The following STK38L variants were observed in gnomAD, a reference collection of about 807,000 sequenced individuals.
The protein encoded by STK38L is serine/threonine-protein kinase 38-like.
STK38L carries 28 observed loss-of-function variants against 59.7 expected under a neutral mutation model. The ratio of observed to expected loss-of-function variants is 0.47; its 90% CI spans 0.35 to 0.64. The LOEUF is 0.64. Among genes scored for constraint, STK38L ranks in the 30% least tolerant of loss-of-function variants. The probability of loss-of-function intolerance (pLI) is 0.01; values close to 1 mark genes in which losing one functional copy is unlikely to be tolerated. For missense variants in STK38L, 314 were observed against 555.8 expected, an observed-to-expected ratio of 0.56 and a Z score of 4.37; for synonymous variants, 162 against 176.8, an observed-to-expected ratio of 0.92 and a Z score of 0.66.
At chr12:27,287,780 C>G (rs1250700822) in intron 1 of STK38L, among the ~76,000 whole-genome samples, 1 of 152,036 alleles carries the variant, frequency 6.6e-6, no homozygotes, top group Non-Finnish European at 1.5e-5. Flanking sequence ...AAATGGATAC[C>G]CAGTTGTTCC....
Position 27,253,392 on chromosome 12 carries a change from G to A in STK38L, c.-12+9060G>A, listed in dbSNP as rs549318799. ...GACAAATAATCTAGGTGATAATAAT[G>A]AAGTTCTAAACTAGGTGAGATTGGG... On this transcript the variant is annotated intron_variant, in intron 1 of 13. Coordinates refer to ENST00000389032, the MANE Select transcript of STK38L (RefSeq NM_015000.4). Among the ~76,000 whole-genome samples, 204 of 151,984 alleles carry A rather than the reference G, an allele frequency of 1.3e-3. 2 individuals carry two copies. Among genetic ancestry groups the A allele is most frequent in the South Asian group, 2.9e-3 (14 of 4,784 alleles).
chr12:27,291,181 C>G (rs1021035407), intron 1 of STK38L, among the ~76,000 whole-genome samples: 8 of 152,102 alleles, frequency 5.3e-5, no homozygotes, highest in African/African-American at 1.9e-4. Flanking sequence ...AATTAAAAGC[C>G]TTGAGTGATT....
chr12:27,311,590 A>G (rs1262799706), intron 5 of STK38L, among the ~76,000 whole-genome samples: 1 of 152,220 alleles, frequency 6.6e-6, no homozygotes, highest in Non-Finnish European at 1.5e-5. Context: ...TCCAGTTTAT[A>G]AAATTTTCCA....
Position 27,314,590 on chromosome 12 carries a change from G to C in STK38L, c.604G>C (p.Asp202His). Residue 202 changes from aspartate (D) to histidine (H), a missense_variant, in exon 7 of 14, where the codon GAT becomes CAT. Transcript: ENST00000389032. ...FYISETVLAI[D>H]AIHQLGFIHR... The stretch of plus-strand genomic sequence containing the variant: ...CATTTCAGAGACTGTTCTGGCAATA[G>C]ATGCGATCCACCAGTTGGGTTTCAT... The C allele has an allele frequency of 1.2e-6, 2 of 1,610,302 alleles. No individual in the cohort carries two copies. The highest frequency in any genetic ancestry group is 3.4e-5 in the Admixed American group (2 of 59,350).
At chr12:27,289,257 G>A (rs1943844838) in intron 1 of STK38L, among the ~76,000 whole-genome samples, 1 of 151,978 alleles carries the variant, frequency 6.6e-6, no homozygotes. Flanking sequence ...CATTAAGATC[G>A]GTAAATAGAA....
Position 27,280,281 on chromosome 12 carries a change from A to G in STK38L, c.-11-17429A>G, listed in dbSNP as rs143620302. On this transcript the variant is annotated intron_variant, in intron 1 of 13. Coordinates refer to ENST00000389032, the MANE Select transcript of STK38L (RefSeq NM_015000.4). ...CAAAATAAGAACTTTTGATTATGCA[A>G]TGAAAGAGAATCAAAGTCAGTACTG... Among the ~76,000 whole-genome samples the G allele has an allele frequency of 2.4e-3, 373 of 152,322 alleles. 8 individuals carry two copies. The East Asian group carries it at 0.067, about 27-fold the overall frequency.
intron 1 of STK38L, among the ~76,000 whole-genome samples, chr12:27,261,668 A>G (rs1943206811): frequency 6.6e-6 from 1 of 152,202 alleles, no homozygotes. Context: ...TCAAAATTAC[A>G]TAGTGATTAG....
chr12:27,271,076 G>A (rs980399069), intron 1 of STK38L, among the ~76,000 whole-genome samples: 1 of 152,130 alleles, frequency 6.6e-6, no homozygotes, highest in African/African-American at 2.4e-5. Flanking sequence ...ACTGCCCTAA[G>A]TGCATTACAT....
chr12:27,303,407 C>T (rs1242849468), intron 3 of STK38L, among the ~76,000 whole-genome samples: 1 of 152,148 alleles, frequency 6.6e-6, no homozygotes, highest in Admixed American at 6.5e-5. Flanking sequence ...ACTGGGAAAT[C>T]TTCCTTAACC....
chr12:27,247,786 G>C (rs1942886233), intron 1 of STK38L, among the ~76,000 whole-genome samples: 1 of 150,340 alleles, frequency 6.7e-6, no homozygotes, highest in Admixed American at 6.6e-5. Context: ...CTATAGGCCT[G>C]AGCCACTGTG....
At chr12:27,305,929 A>G (rs537210203) in intron 3 of STK38L, among the ~76,000 whole-genome samples, 2 of 152,340 alleles carry the variant, frequency 1.3e-5, no homozygotes, top group South Asian at 2.1e-4. Context: ...TTTCAAGGCT[A>G]CTTAATCTAT....
chr12:27,318,848 G>A (rs7139038), intron 11 of STK38L, among the ~76,000 whole-genome samples: 6,059 of 152,058 alleles, frequency 0.04, 406 homozygotes, highest in East Asian at 0.33. Context: ...AAAATTAGCC[G>A]GGCGAGGTGG....
rs1018260796 is a variant in STK38L, at chr12:27,323,842, CTG to C, written c.*1388_*1389del. On this transcript the variant is annotated 3_prime_UTR_variant, in exon 14 of 14. Coordinates refer to ENST00000389032, the MANE Select transcript of STK38L (RefSeq NM_015000.4). ...TATTTTAATTCTAATTCAAACAACT[CTG>C]AGGTTTTGGTTTCATTAGTAATAGT... 1 of 152,052 alleles carries C rather than the reference CTG, an allele frequency of 6.6e-6. No individual in the cohort carries two copies. Among genetic ancestry groups the C allele is most frequent in the Non-Finnish European group, 1.5e-5 (1 of 67,946 alleles). 9.4% of individuals were successfully genotyped at this position (152,052 alleles called of 1,614,324 possible).
intron 9 of STK38L, among the ~76,000 whole-genome samples, chr12:27,316,498 A>C (rs1374748120): frequency 6.6e-6 from 1 of 152,156 alleles, no homozygotes; most frequent in African/African-American, 2.4e-5. Flanking sequence ...GTGTTTCCCA[A>C]GGGAGAAGTA....
chr12:27,309,086 T>C (rs1475901592), intron 4 of STK38L, 28 bp from the exon 5 acceptor site: 2 of 1,524,832 alleles, frequency 1.3e-6, no homozygotes, highest in Admixed American at 3.9e-5. Context: ...TAGTGACTGT[T>C]TTATAATATA....
At chr12:27,297,886 G>T (rs1944065032) in intron 2 of STK38L, 32 bp downstream of exon 2, 1 of 1,610,748 alleles carries the variant, frequency 6.2e-7, no homozygotes, top group East Asian at 2.2e-5. Flanking sequence ...ACTTTTTTTA[G>T]TTAAATAAGC....
chr12:27,254,359 T>C (rs1282522710), intron 1 of STK38L, among the ~76,000 whole-genome samples: 1 of 152,238 alleles, frequency 6.6e-6, no homozygotes, highest in Non-Finnish European at 1.5e-5. Context: ...GTTTAATAAC[T>C]AACATGACCC....
At chr12:27,263,891 G>A (rs1285796615) in intron 1 of STK38L, among the ~76,000 whole-genome samples, 4 of 152,170 alleles carry the variant, frequency 2.6e-5, no homozygotes, top group Non-Finnish European at 4.4e-5. Context: ...TTCTGAAAAC[G>A]TGAAACATAA....
intron 1 of STK38L, among the ~76,000 whole-genome samples, chr12:27,270,663 C>G (rs1042354654): frequency 6.6e-6 from 1 of 152,096 alleles, no homozygotes; most frequent in Admixed American, 6.6e-5. Context: ...CAGACGTGAG[C>G]CACCGCACCC....
Sources: allele counts gnomAD v4.1 joint callset (sites outside exome capture counted in the v4.1 genomes callset), GRCh38; gene constraint gnomAD v4.1.1; transcripts MANE v1.5; gene names NCBI Gene and HGNC (gene_info 2026-07-23, HGNC 2026-07-21).